PGM2L1: variants seen among roughly 807,000 people sequenced by gnomAD.
PGM2L1 encodes the protein phosphoglucomutase 2 like 1.
A neutral mutation model predicts 73.4 loss-of-function variants in PGM2L1; 35 were observed. That is an observed-to-expected ratio of 0.48 (90% confidence interval 0.36 to 0.63). The LOEUF is 0.63. Among genes scored for constraint, PGM2L1 ranks in the 30% least tolerant of loss-of-function variants. The pLI, the probability that PGM2L1 is intolerant of heterozygous loss-of-function variation, is 0.00. For missense variants in PGM2L1, 570 were observed against 742.0 expected (o/e 0.77, Z 2.69); for synonymous variants, 225 against 253.8 (o/e 0.89, Z 1.08).
chr11:74,394,222 ATCT>A (rs1863142599), intron 1 of PGM2L1, among the ~76,000 whole-genome samples: 2 of 152,200 alleles, frequency 1.3e-5, no homozygotes, highest in African/African-American at 2.4e-5. Context: ...ACCACCAAAA[ATCT>A]TCTTTTGACT....
At chr11:74,362,334 A>G (rs1264549830) in intron 5 of PGM2L1, among the ~76,000 whole-genome samples, 1 of 152,204 alleles carries the variant, frequency 6.6e-6, no homozygotes, top group African/African-American at 2.4e-5. Context: ...TTTACAGACA[A>G]GCAAATGCTG....
At chr11:74,351,053 CAT>C (rs1862344555) in intron 6 of PGM2L1, among the ~76,000 whole-genome samples, 1 of 152,154 alleles carries the variant, frequency 6.6e-6, no homozygotes, top group African/African-American at 2.4e-5. Context: ...CTACATATGT[CAT>C]ATAAATGGAA....
At chr11:74,365,517 A>G (rs1239637278) in intron 5 of PGM2L1, among the ~76,000 whole-genome samples, 1 of 152,256 alleles carries the variant, frequency 6.6e-6, no homozygotes, top group Non-Finnish European at 1.5e-5. Context: ...ACAAATTTAC[A>G]GGAAAAAAAC....
intron 5 of PGM2L1, among the ~76,000 whole-genome samples, chr11:74,362,329 A>G (rs757549139): frequency 5.9e-5 from 9 of 152,236 alleles, no homozygotes; most frequent in Non-Finnish European, 8.8e-5. Flanking sequence ...AATCCTTTAC[A>G]GACAAGCAAA....
At chr11:74,358,441 C>G (rs1324468965) in intron 5 of PGM2L1, among the ~76,000 whole-genome samples, 1 of 152,202 alleles carries the variant, frequency 6.6e-6, no homozygotes, top group Non-Finnish European at 1.5e-5. Context: ...AACATTTCCA[C>G]CCATCTGATT....
At chr11:74,355,081 G>A in intron 5 of PGM2L1, 1 of 1,281,294 alleles carries the variant, frequency 7.8e-7, no homozygotes, top group South Asian at 1.2e-5. Flanking sequence ...GGTTTTGGTG[G>A]GAAGGACAAC....
chr11:74,385,573 C>G (rs1187482900), intron 1 of PGM2L1, among the ~76,000 whole-genome samples: 2 of 152,046 alleles, frequency 1.3e-5, no homozygotes, highest in Non-Finnish European at 2.9e-5. Context: ...TACTACAGAA[C>G]ATGTTTTTAT....
intron 3 of PGM2L1, 139 bp downstream of exon 3, chr11:74,371,572 C>A: frequency 1.7e-6 from 1 of 600,474 alleles, no homozygotes; most frequent in Non-Finnish European, 2.8e-6. Context: ...TCTATTTCAG[C>A]TTTAAAGTAA....
chr11:74,362,783 A>C (rs1481422087), intron 5 of PGM2L1, among the ~76,000 whole-genome samples: 1 of 152,222 alleles, frequency 6.6e-6, no homozygotes, highest in Admixed American at 6.5e-5. Flanking sequence ...CCACACAATA[A>C]TAATGGGAGA....
At chr11:74,336,841 G>T in intron 13 of PGM2L1, 87 bp from the exon 14 acceptor site, 1 of 821,646 alleles carries the variant, frequency 1.2e-6, no homozygotes, top group Non-Finnish European at 1.8e-6. Context: ...AAGAGGTCCT[G>T]ATGGAGTCAT....
At chr11:74,363,870 G>A (rs1862608195) in intron 5 of PGM2L1, among the ~76,000 whole-genome samples, 1 of 152,068 alleles carries the variant, frequency 6.6e-6, no homozygotes, top group South Asian at 2.1e-4. Flanking sequence ...GATGAGGCCA[G>A]CATCATCCTG....
intron 6 of PGM2L1, among the ~76,000 whole-genome samples, chr11:74,350,639 G>A (rs1315967201): frequency 1.3e-5 from 2 of 152,174 alleles, no homozygotes; most frequent in Admixed American, 6.5e-5. Flanking sequence ...CACCTTGGGA[G>A]GCTGAGGCAG....
At chr11:74,363,244 G>A (rs1591179706) in intron 5 of PGM2L1, among the ~76,000 whole-genome samples, 1 of 152,310 alleles carries the variant, frequency 6.6e-6, no homozygotes, top group East Asian at 1.9e-4. Flanking sequence ...AAAGCAGTGT[G>A]TAGAGGGAAA....
In PGM2L1 at chr11:74,398,189, G is replaced by T; in HGVS notation, c.-28C>A. On this transcript the variant is annotated 5_prime_UTR_variant, in exon 1 of 14. Coordinates refer to ENST00000298198, the MANE Select transcript of PGM2L1 (RefSeq NM_173582.6). Reference sequence around the variant, plus strand: ...CGACCAGACAGGCGTACGGGCCGGGGGCCGGCGAAGACACTGAGTTGGGGT... The same window carrying T: ...CGACCAGACAGGCGTACGGGCCGGGTGCCGGCGAAGACACTGAGTTGGGGT... The T allele has an allele frequency of 6.3e-7, 1 of 1,593,528 alleles. No individual in the cohort carries two copies. Among genetic ancestry groups the T allele is most frequent in the Non-Finnish European group, 8.6e-7 (1 of 1,168,872 alleles).
At chr11:74,350,599 G>C (rs1305102982) in intron 6 of PGM2L1, among the ~76,000 whole-genome samples, 1 of 152,136 alleles carries the variant, frequency 6.6e-6, no homozygotes, top group Non-Finnish European at 1.5e-5. Flanking sequence ...ACTCTAGGCT[G>C]GGCATGGTGG....
intron 1 of PGM2L1, among the ~76,000 whole-genome samples, chr11:74,377,637 A>T (rs1385019542): frequency 6.6e-6 from 1 of 152,186 alleles, no homozygotes; most frequent in African/African-American, 2.4e-5. Context: ...GGTTTCAAGT[A>T]GAAAAGTGAC....
Position 74,339,601 on chromosome 11 carries a change from C to T in PGM2L1, c.1633-1000G>A, listed in dbSNP as rs543953495. On this transcript the variant is annotated intron_variant, in intron 12 of 13. Transcript: ENST00000298198. ...TATACTTTATTTAACTCAACTTTAT[C>T]CAGTTCTTTCCATCACTGCTCCTAT... 2.0e-5 allele frequency among the ~76,000 whole-genome samples: 3 copies of T among 152,258 alleles called. No homozygotes were observed. In the South Asian group the frequency reaches 6.2e-4, roughly 32 times the overall value.
chr11:74,342,770 A>G, intron 11 of PGM2L1, 115 bp downstream of exon 11: 2 of 1,388,724 alleles, frequency 1.4e-6, no homozygotes, highest in Admixed American at 2.5e-5. Flanking sequence ...AATTCACATA[A>G]TTTTAATACT....
chr11:74,343,210 C>G, intron 10 of PGM2L1, 113 bp downstream of exon 10: 1 of 1,360,354 alleles, frequency 7.4e-7, no homozygotes, highest in Non-Finnish European at 9.7e-7. Context: ...TTCTCATTCT[C>G]TGTAGTTTTT....
Sources: gnomAD v4.1 joint callset for allele counts (sites outside exome capture counted in the v4.1 genomes callset) on GRCh38, gnomAD v4.1.1 for gene constraint, MANE v1.5 for transcripts, NCBI Gene and HGNC (gene_info 2026-07-23, HGNC 2026-07-21) for gene names.